The following PDE11A variants were observed in gnomAD, a reference collection of about 807,000 sequenced individuals.
The protein encoded by PDE11A is phosphodiesterase 11A.
A neutral mutation model predicts 100.5 loss-of-function variants in PDE11A; 100 were observed. The observed-to-expected ratio is 1.00, with a 90% CI of 0.85 to 1.18. PDE11A has a LOEUF of 1.18. Among genes scored for constraint, PDE11A ranks in the 50% most tolerant of loss-of-function variants. The probability of loss-of-function intolerance (pLI) is 0.00; values close to 1 mark genes in which losing one functional copy is unlikely to be tolerated. For synonymous variants in PDE11A, 381 were observed against 420.8 expected (o/e 0.91, Z 1.16); for missense variants, 1,141 against 1,152.6 (o/e 0.99, Z 0.15).
intron 15 of PDE11A, chr2:177,687,557 T>C (rs1296812839): frequency 2.6e-5 from 4 of 152,230 alleles, no homozygotes; most frequent in Non-Finnish European, 4.4e-5. Flanking sequence ...TATACCACTG[T>C]CTATTTACCC....
intron 9 of PDE11A, among the ~76,000 whole-genome samples, chr2:177,801,400 C>T (rs988115347): frequency 6.6e-6 from 1 of 151,966 alleles, no homozygotes; most frequent in African/African-American, 2.4e-5. Context: ...TGGTGACTAC[C>T]AAAAAGTAGA....
chr2:177,869,112 T>C (rs2084080309), intron 5 of PDE11A, among the ~76,000 whole-genome samples: 2 of 152,250 alleles, frequency 1.3e-5, no homozygotes, highest in Admixed American at 6.5e-5. Context: ...CTCATTTTCA[T>C]CTGAGAATGG....
At position 177,639,487 on chromosome 2, in the gene PDE11A, G is replaced by A. The variant is rs1267176957; in HGVS notation, c.2647-9925C>T. Among the ~76,000 whole-genome samples, 4 of 152,302 alleles carry A rather than the reference G, an allele frequency of 2.6e-5. No homozygotes were observed. The East Asian group carries it at 7.7e-4, about 29-fold the overall frequency. ...CATTCTTCCCCATAGAACAGTGGCA[G>A]GAAGAAGGGTTAAGGCTAGGACAGC... On this transcript the variant is annotated intron_variant, in intron 19 of 19. Transcript: ENST00000286063.
intron 15 of PDE11A, among the ~76,000 whole-genome samples, chr2:177,681,541 T>C (rs1474010085): frequency 6.6e-6 from 1 of 152,194 alleles, no homozygotes; most frequent in East Asian, 1.9e-4. Flanking sequence ...ACAGAGTTAC[T>C]GTGAGGATTA....
intron 9 of PDE11A, among the ~76,000 whole-genome samples, chr2:177,774,082 A>G (rs1010090294): frequency 2.0e-5 from 3 of 152,194 alleles, no homozygotes; most frequent in Admixed American, 2.0e-4. Flanking sequence ...GCACAGCGAG[A>G]ACCCAGTAAT....
rs1316539413 is a variant in PDE11A at position 177,980,459 on chromosome 2, T to C, written c.1071+33843A>G. 3.3e-5 allele frequency among the ~76,000 whole-genome samples: 5 copies of C among 150,862 alleles called. 1 individual carries two copies. Among genetic ancestry groups the C allele is most frequent in the African/African-American group, 4.8e-5 (2 of 41,376 alleles). ...ACATAGACATAAGTATTAGTAAAAA[T>C]ACGGCACTTACTTTGACCTTTGGAA... On this transcript the variant is annotated intron_variant, in intron 2 of 19. Transcript: ENST00000286063.
chr2:178,107,120 T>C (rs560920299), intron 1 of PDE11A, among the ~76,000 whole-genome samples: 1 of 152,202 alleles, frequency 6.6e-6, no homozygotes, highest in East Asian at 1.9e-4. Flanking sequence ...CATATTTCCA[T>C]TATAACTGTT....
chr2:178,093,746 T>A (rs1399008951), intron 2 of PDE11A, among the ~76,000 whole-genome samples: 1 of 152,134 alleles, frequency 6.6e-6, no homozygotes, highest in Non-Finnish European at 1.5e-5. Context: ...TCAAAAAGAA[T>A]AGGATATATC....
rs369388469 is a variant in PDE11A at position 177,928,725 on chromosome 2, T to C, written c.1072-23538A>G. Among the ~76,000 whole-genome samples, 15 of 151,978 alleles carry C rather than the reference T, an allele frequency of 9.9e-5. No homozygotes were observed. The East Asian group carries it at 1.9e-3, about 20-fold the overall frequency. ...AATTCTTTTTTTAATTATCTGGGGG[T>C]GGTGGCACATGCCTGTGGTCCCAGC... On this transcript the variant is annotated intron_variant, in intron 2 of 19. Transcript: ENST00000286063.
Position 177,657,669 on chromosome 2 carries a change from G to T in PDE11A, c.2646+6197C>A, listed in dbSNP as rs1478616606. 3.3e-5 allele frequency among the ~76,000 whole-genome samples: 5 copies of T among 151,892 alleles called. No individual in the cohort carries two copies. The East Asian group carries it at 9.7e-4, about 29-fold the overall frequency. On this transcript the variant is annotated intron_variant, in intron 19 of 19. Transcript: ENST00000286063. ...AGAGAGAAGAGAGGAGAAAGAGAGA[G>T]GGGAGAGAAAGCAGAAAGAGGCGGG...
At chr2:177,799,461 A>C (rs866580066) in intron 9 of PDE11A, among the ~76,000 whole-genome samples, 1 of 152,206 alleles carries the variant, frequency 6.6e-6, no homozygotes, top group Non-Finnish European at 1.5e-5. Flanking sequence ...CATAAAATAT[A>C]AAGTTTATTT....
At chr2:177,639,264 TTTG>T (rs1008562037) in intron 19 of PDE11A, among the ~76,000 whole-genome samples, 65 of 152,302 alleles carry the variant, frequency 4.3e-4, no homozygotes, top group African/African-American at 1.5e-3. Context: ...GTTTTGGGGT[TTTG>T]TTGTTGTTGT....
At chr2:177,955,359 G>T (rs1450458559) in intron 2 of PDE11A, among the ~76,000 whole-genome samples, 1 of 152,152 alleles carries the variant, frequency 6.6e-6, no homozygotes, top group African/African-American at 2.4e-5. Flanking sequence ...TTCCCTGAGA[G>T]TTCACAGATC....
chr2:177,680,905 T>G lies in PDE11A; in HGVS notation c.2346-2A>C, dbSNP rs776984134. 6.5e-7 allele frequency: 1 copy of G among 1,529,052 alleles called. No homozygotes were observed. Among genetic ancestry groups the G allele is most frequent in the Non-Finnish European group, 9.0e-7 (1 of 1,105,120 alleles). 94.7% of individuals were successfully genotyped at this position (1,529,052 alleles called of 1,614,324 possible). ...AGTTCAAAGAATTCAGTTCTCCTCC[T>G]GCAGGAAAATCAAATGAAGAAAGAA... On this transcript the variant is annotated splice_acceptor_variant, in intron 15 of 19. Transcript: ENST00000286063. LOFTEE classifies it high-confidence loss of function.
At chr2:177,996,231 TA>T (rs71010848) in intron 2 of PDE11A, among the ~76,000 whole-genome samples, 44,246 of 146,938 alleles carry the variant, frequency 0.3, 6,707 homozygotes, top group African/African-American at 0.33. Context: ...CCGTCTCAAA[TA>T]AAAAAAAAAA....
chr2:177,898,228 T>C (rs2084641736), intron 3 of PDE11A, 30 bp from the exon 4 acceptor site: 2 of 1,545,468 alleles, frequency 1.3e-6, no homozygotes, highest in East Asian at 2.2e-5. Context: ...TGTATATAAG[T>C]GGATGTAAAA....
At chr2:177,854,094 T>C (rs1297349344) in intron 5 of PDE11A, among the ~76,000 whole-genome samples, 1 of 151,834 alleles carries the variant, frequency 6.6e-6, no homozygotes, top group East Asian at 1.9e-4. Flanking sequence ...GTTTCTAAAT[T>C]GCCATAATTC....
intron 10 of PDE11A, among the ~76,000 whole-genome samples, chr2:177,729,690 A>C (rs192327266): frequency 1.3e-5 from 2 of 152,294 alleles, no homozygotes; most frequent in East Asian, 3.8e-4. Flanking sequence ...AGAAGTCAGA[A>C]GCTATTCTGT....
rs750914143 is a variant in PDE11A, at chr2:177,669,493, TG to T, written c.2561del (p.Ser854Ter). 4 of 1,220,356 alleles carry T rather than the reference TG, an allele frequency of 3.3e-6. No individual in the cohort carries two copies. In the Admixed American group the frequency reaches 6.7e-5, roughly 20 times the overall value. The allele number at this position is 1,220,356 out of a possible 1,614,324, so 75.6% of individuals were successfully genotyped here. ...CGTTATAATTAAAGGATGAACTCAC[TG>T]AAGGAGTGAGTTTGAGCTCTAATCT... Reference protein sequence around the residue: ...RERLELKLTPSAIFDRNRKDE... With the variant: ...RERLELKLTPXAIFDRNRKDE... On this transcript the variant is annotated frameshift_variant and splice_region_variant, in exon 18 of 20. Transcript: ENST00000286063. LOFTEE classifies it high-confidence loss of function.
Sources: allele counts gnomAD v4.1 joint callset (sites outside exome capture counted in the v4.1 genomes callset), GRCh38; gene constraint gnomAD v4.1.1; transcripts MANE v1.5; gene names NCBI Gene and HGNC (gene_info 2026-07-23, HGNC 2026-07-21).